Variants in CABYR observed in about 807,000 individuals in gnomAD.
CABYR encodes calcium-binding tyrosine phosphorylation-regulated protein.
In CABYR, 31 loss-of-function variants were observed where a neutral mutation model predicts 36.1. That is an observed-to-expected ratio of 0.86 (90% CI 0.64 to 1.16). CABYR has a LOEUF of 1.16. Among genes scored for constraint, CABYR ranks in the 50% most tolerant of loss-of-function variants. CABYR has a pLI of 0.00. For synonymous variants in CABYR, 146 were observed against 160.7 expected, an observed-to-expected ratio of 0.91 and a Z score of 0.69; for missense variants, 429 against 455.8, an observed-to-expected ratio of 0.94 and a Z score of 0.53.
chr18:24,142,087 G>T (rs967710703), intron 1 of CABYR, among the ~76,000 whole-genome samples: 3 of 152,220 alleles, frequency 2.0e-5, no homozygotes, highest in Non-Finnish European at 4.4e-5. Flanking sequence ...CACTTTGGGA[G>T]CCTGTGGGTG....
chr18:24,143,350 A>T lies in CABYR; in HGVS notation c.146-10A>T. 6.3e-7 allele frequency: 1 copy of T among 1,595,352 alleles called. No individual in the cohort carries two copies. The highest frequency in any genetic ancestry group is 8.6e-7 in the Non-Finnish European group (1 of 1,168,360). ...TATCTGTATTTGATTTCCTGTATTGATTCCTTCAGGGAATACTACTATGGA... is the reference window on the plus strand; with the variant it reads ...TATCTGTATTTGATTTCCTGTATTGTTTCCTTCAGGGAATACTACTATGGA... On this transcript the variant is annotated splice_polypyrimidine_tract_variant and intron_variant, in intron 2 of 5. Transcript: ENST00000399496.
Position 24,159,933 on chromosome 18 carries a change from G to T in CABYR, c.1003G>T (p.Ala335Ser). ...AAAAAGCCCTGTTTTCCTTTCTGTT[G>T]CTTTCCCAGTAGAAGATGTAGCTAA... ...RPKSPVFLSV[A>S]FPVEDVAKKS... is the part of the protein sequence containing the mutation. Residue 335 changes from alanine to serine, a missense_variant, in exon 5 of 6, where the codon GCT (alanine) becomes TCT (serine). Coordinates refer to ENST00000399496, the MANE Select transcript of CABYR (RefSeq NM_153769.3). 1 of 1,614,168 alleles carries T rather than the reference G, an allele frequency of 6.2e-7. No homozygotes were observed. Among genetic ancestry groups the T allele is most frequent in the Non-Finnish European group, 8.5e-7 (1 of 1,180,038 alleles).
intron 4 of CABYR, chr18:24,156,996 C>G (rs780422361): frequency 1.1e-4 from 179 of 1,592,176 alleles, no homozygotes; most frequent in Non-Finnish European, 1.4e-4. Flanking sequence ...TTTGATGAAG[C>G]CAGGTAAGAA....
chr18:24,149,050 G>A (rs891394200), intron 3 of CABYR, among the ~76,000 whole-genome samples: 14 of 152,032 alleles, frequency 9.2e-5, no homozygotes, highest in South Asian at 2.1e-4. Context: ...TGATTGGTGC[G>A]TTTACAATCC....
chr18:24,161,460 A>ATGTT, intron 5 of CABYR, 56 bp from the exon 6 acceptor site: 1 of 776,336 alleles, frequency 1.3e-6, no homozygotes, highest in South Asian at 1.4e-5. Flanking sequence ...CTCATTTCAC[A>ATGTT]TGTTCGGTTT....
Position 24,159,528 on chromosome 18 carries a change from T to C in CABYR, c.598T>C (p.Tyr200His), listed in dbSNP as rs1436607584. 6.2e-7 allele frequency: 1 copy of C among 1,613,970 alleles called. No individual in the cohort carries two copies. The highest frequency in any genetic ancestry group is 1.3e-5 in the African/African-American group (1 of 74,862). The change falls in exon 5 of 6, where the codon TAT becomes CAT. Residue 200 changes from tyrosine (Y) to histidine (H), a missense_variant. Physicochemically the swap from Tyr to His is moderately conservative, Grantham distance 83 (BLOSUM62 2). Coordinates refer to ENST00000399496, the MANE Select transcript of CABYR (RefSeq NM_153769.3). ...PPPCSNMWTL[Y>H]CLTDKNQQGH... ...ACCATGTTCTAACATGTGGACCCTT[T>C]ATTGTCTAACTGATAAGAATCAACA...
intron 3 of CABYR, chr18:24,150,570 G>A (rs1260527160): frequency 1.0e-6 from 1 of 984,114 alleles, no homozygotes; most frequent in South Asian, 4.7e-5. Flanking sequence ...AATGAAGAAA[G>A]AATGGATGGA....
At chr18:24,159,088 G>T (rs1367495094) in intron 4 of CABYR, among the ~76,000 whole-genome samples, 1 of 152,202 alleles carries the variant, frequency 6.6e-6, no homozygotes, top group African/African-American at 2.4e-5. Context: ...ATGCACTAAC[G>T]CTTCCTTTAA....
At chr18:24,153,691 A>G (rs896057879) in intron 3 of CABYR, among the ~76,000 whole-genome samples, 3 of 152,100 alleles carry the variant, frequency 2.0e-5, no homozygotes, top group South Asian at 4.1e-4. Flanking sequence ...GGACTCAAGA[A>G]AAGTTATGTT....
chr18:24,140,471 A>G (rs777923524), intron 1 of CABYR, among the ~76,000 whole-genome samples: 16 of 147,334 alleles, frequency 1.1e-4, no homozygotes, highest in South Asian at 4.5e-4. Context: ...TATGGGGCAC[A>G]TGAGATGTTT....
intron 1 of CABYR, chr18:24,139,749 G>A (rs1370244757): frequency 6.6e-6 from 1 of 152,230 alleles, no homozygotes; most frequent in Non-Finnish European, 1.5e-5. Context: ...GTGGGGAACT[G>A]AACTGTAGGA....
chr18:24,158,320 CT>C (rs111636953), intron 4 of CABYR, among the ~76,000 whole-genome samples: 310 of 132,890 alleles, frequency 2.3e-3, no homozygotes, highest in Middle Eastern at 3.9e-3. Flanking sequence ...AGTATTATTT[CT>C]TTTTTTTTTT....
At chr18:24,157,099 A>T in intron 4 of CABYR, 1 of 832,884 alleles carries the variant, frequency 1.2e-6, no homozygotes. Flanking sequence ...GTCAGTCTTT[A>T]TTTTCAATAG....
At chr18:24,143,042 ACCT>A in intron 1 of CABYR, 46 bp from the exon 2 acceptor site, 4 of 1,267,958 alleles carry the variant, frequency 3.2e-6, no homozygotes, top group Non-Finnish European at 4.3e-6. Context: ...AAAAAAAAAA[ACCT>A]ATTTTAGTAA....
chr18:24,149,845 G>A (rs561535734), intron 3 of CABYR, among the ~76,000 whole-genome samples: 5 of 152,342 alleles, frequency 3.3e-5, no homozygotes, highest in South Asian at 2.1e-4. Context: ...CCCGCTGCTC[G>A]GAATGCGGGG....
In CABYR at chr18:24,143,216, C is replaced by T. The variant is rs2085371733; in HGVS notation, c.102C>T (p.Asn34=). Residue 34 remains asparagine (N), a synonymous_variant, in exon 2 of 6, where the codon AAC becomes AAT. Transcript: ENST00000399496. The part of the protein sequence containing the change: ...AVLKTNPSNI[N]QFAAAYFQEL... The stretch of plus-strand genomic sequence containing the variant: ...TCAAAACCAACCCATCAAACATCAA[C>T]CAGTTTGCAGCAGCTTATTTTCAAG... 3 of 1,613,844 alleles carry T rather than the reference C, an allele frequency of 1.9e-6. No homozygotes were observed. Among genetic ancestry groups the T allele is most frequent in the Non-Finnish European group, 1.7e-6 (2 of 1,179,976 alleles).
intron 3 of CABYR, 22 bp from the exon 4 acceptor site, chr18:24,155,679 C>A: frequency 6.7e-7 from 1 of 1,494,848 alleles, no homozygotes; most frequent in South Asian, 1.3e-5. Context: ...GTTAATTAAC[C>A]CATCTGGTTG....
chr18:24,159,717 G>T lies in CABYR; in HGVS notation c.787G>T (p.Val263Leu), dbSNP rs763193110. ...KKTSAPPFIL[V>L]GSNVQEAQGW... ...GACCAGTGCCCCACCTTTTATCTTA[G>T]TAGGCTCAAATGTTCAGGAAGCACA... Residue 263 changes from valine (V) to leucine (L), a missense_variant, in exon 5 of 6, where the codon GTA (valine) becomes TTA (leucine). Val to Leu is a conservative substitution (Grantham distance 32, BLOSUM62 1). Coordinates refer to ENST00000399496, the MANE Select transcript of CABYR (RefSeq NM_153769.3). 6.2e-7 allele frequency: 1 copy of T among 1,613,688 alleles called. No individual in the cohort carries two copies. Among genetic ancestry groups the T allele is most frequent in the East Asian group, 2.2e-5 (1 of 44,872 alleles).
intron 3 of CABYR, among the ~76,000 whole-genome samples, chr18:24,144,623 C>G (rs1697490093): frequency 6.6e-6 from 1 of 152,050 alleles, no homozygotes; most frequent in Non-Finnish European, 1.5e-5. Flanking sequence ...CAAAAGAAAA[C>G]AAAAACACCC....
Sources: allele counts gnomAD v4.1 joint callset (sites outside exome capture counted in the v4.1 genomes callset), GRCh38; gene constraint gnomAD v4.1.1; transcripts MANE v1.5; gene names NCBI Gene and HGNC (gene_info 2026-07-23, HGNC 2026-07-21).